The following ELP4 variants were observed in gnomAD, a reference collection of about 807,000 sequenced individuals.
The protein encoded by ELP4 is elongator complex protein 4.
In ELP4, 51 loss-of-function variants were observed where a neutral mutation model predicts 48.9. The ratio of observed to expected loss-of-function variants is 1.04; its 90% confidence interval spans 0.83 to 1.32. The LOEUF (loss-of-function observed/expected upper bound fraction) is 1.32, where lower values mean the gene tolerates loss of function less well. ELP4 is among the 40% of genes most tolerant of loss of function. The pLI, the probability that ELP4 is intolerant of heterozygous loss-of-function variation, is 0.00. For missense variants in ELP4, 519 were observed against 514.6 expected (o/e 1.01, Z -0.08); for synonymous variants, 210 against 189.2 (o/e 1.11, Z -0.90).
At chr11:31,717,941 T>A (rs910810049) in intron 9 of ELP4, among the ~76,000 whole-genome samples, 9 of 152,148 alleles carry the variant, frequency 5.9e-5, no homozygotes, top group African/African-American at 2.2e-4. Context: ...TTGACTCATA[T>A]TGAGTTTACA....
At chr11:31,729,710 A>G (rs1160146370) in intron 9 of ELP4, among the ~76,000 whole-genome samples, 2 of 152,196 alleles carry the variant, frequency 1.3e-5, no homozygotes, top group Non-Finnish European at 2.9e-5. Flanking sequence ...ATTTTCATCA[A>G]ACAACCAGTT....
chr11:31,578,613 G>A (rs181450338), intron 3 of ELP4, among the ~76,000 whole-genome samples: 56 of 152,058 alleles, frequency 3.7e-4, no homozygotes, highest in African/African-American at 8.2e-4. Flanking sequence ...GGAACAGAAC[G>A]GAGCCCTCAG....
chr11:31,641,759 G>A (rs923847469), intron 7 of ELP4, among the ~76,000 whole-genome samples: 5 of 151,790 alleles, frequency 3.3e-5, no homozygotes, highest in African/African-American at 1.2e-4. Flanking sequence ...CCTGGCTCTT[G>A]TCAACCTGCT....
At chr11:31,516,511 T>G (rs2133872621) in intron 1 of ELP4, among the ~76,000 whole-genome samples, 1 of 152,354 alleles carries the variant, frequency 6.6e-6, no homozygotes, top group Admixed American at 6.5e-5. Context: ...CATTTGTTTG[T>G]TTGAGACTGG....
At chr11:31,548,552 C>T (rs542724150) in intron 3 of ELP4, among the ~76,000 whole-genome samples, 59 of 152,230 alleles carry the variant, frequency 3.9e-4, no homozygotes, top group African/African-American at 1.3e-3. Context: ...TGAAAATGGC[C>T]ATACTGCCCA....
At chr11:31,712,228 T>G (rs1443136400) in intron 9 of ELP4, among the ~76,000 whole-genome samples, 1 of 152,120 alleles carries the variant, frequency 6.6e-6, no homozygotes, top group African/African-American at 2.4e-5. Flanking sequence ...CATTATATTT[T>G]TAAATGTTAT....
chr11:31,632,179 A>G (rs749765742), intron 6 of ELP4, 38 bp from the exon 7 acceptor site: 1 of 1,546,506 alleles, frequency 6.5e-7, no homozygotes, highest in Non-Finnish European at 8.8e-7. Flanking sequence ...TTGATTAACA[A>G]AACTTTATAT....
At chr11:31,644,340 A>C (rs528185240) in intron 7 of ELP4, among the ~76,000 whole-genome samples, 2 of 151,960 alleles carry the variant, frequency 1.3e-5, no homozygotes, top group South Asian at 4.2e-4. Flanking sequence ...TAATGCAAAG[A>C]TTATGTTCAA....
chr11:31,519,201 T>C (rs1656626790), intron 1 of ELP4, among the ~76,000 whole-genome samples: 1 of 152,176 alleles, frequency 6.6e-6, no homozygotes, highest in African/African-American at 2.4e-5. Flanking sequence ...AAATGGCAAA[T>C]ACATTCCTTT....
At chr11:31,711,529 C>A (rs996419788) in intron 9 of ELP4, among the ~76,000 whole-genome samples, 1 of 152,054 alleles carries the variant, frequency 6.6e-6, no homozygotes, top group Admixed American at 6.6e-5. Context: ...CACCTTAAAA[C>A]TAATTTAATC....
intron 9 of ELP4, chr11:31,653,797 C>T (rs537221585): frequency 9.2e-5 from 14 of 151,760 alleles, no homozygotes; most frequent in Admixed American, 4.6e-4. Context: ...GAGTACATGG[C>T]GTCACTTCCA....
Position 31,650,219 on chromosome 11 carries a change from G to T in ELP4, c.1141G>T (p.Glu381Ter), listed in dbSNP as rs1241718043. Residue 381 changes from glutamate (E) to a stop codon, truncating the protein, a stop_gained and splice_region_variant, in exon 9 of 10, where the codon GAG (glutamate) becomes TAG (stop). Transcript: ENST00000640961. LOFTEE classifies it high-confidence loss of function. ...FKLKRKLFTI[E>*]RLHLPPDLSD... is the part of the protein sequence containing the mutation. ...ATTAAAAAGGAAGCTATTCACCATTGAGGTAAGAGAATTTTTATGTTTTAG... is the reference window on the plus strand; with the variant it reads ...ATTAAAAAGGAAGCTATTCACCATTTAGGTAAGAGAATTTTTATGTTTTAG... 3 of 1,052,400 alleles carry T rather than the reference G, an allele frequency of 2.9e-6. No individual in the cohort carries two copies. The highest frequency in any genetic ancestry group is 4.0e-5 in the Admixed American group (2 of 49,958). 65.2% of individuals were successfully genotyped at this position (1,052,400 alleles called of 1,614,324 possible). A position where few individuals can be genotyped will look rare whatever the true frequency, so the allele number is the denominator to read the frequency against.
intron 9 of ELP4, among the ~76,000 whole-genome samples, chr11:31,691,544 A>T (rs1301562388): frequency 6.6e-6 from 1 of 152,108 alleles, no homozygotes; most frequent in Non-Finnish European, 1.5e-5. Context: ...CTTTTAGTAC[A>T]TCATTTTCTC....
At chr11:31,708,373 C>T (rs1241086172) in intron 9 of ELP4, among the ~76,000 whole-genome samples, 1 of 152,154 alleles carries the variant, frequency 6.6e-6, no homozygotes, top group Non-Finnish European at 1.5e-5. Context: ...AGCAGTATAG[C>T]ATCCAAGACA....
chr11:31,788,450 G>T lies in ELP4; in HGVS notation c.*4926G>T. 1 of 223,616 alleles carries T rather than the reference G, an allele frequency of 4.5e-6. No individual in the cohort carries two copies. The highest frequency in any genetic ancestry group is 6.5e-5 in the East Asian group (1 of 15,408). 13.9% of individuals were successfully genotyped at this position (223,616 alleles called of 1,614,324 possible). ...TGGGAAATGATGCCTCTTGTGCAAA[G>T]GGGAGGGAGACAGAAAAGGGAGAGG... On this transcript the variant is annotated 3_prime_UTR_variant, in exon 10 of 10. Coordinates refer to ENST00000640961, the MANE Select transcript of ELP4 (RefSeq NM_019040.5).
intron 9 of ELP4, among the ~76,000 whole-genome samples, chr11:31,736,110 A>G: frequency 6.6e-6 from 1 of 152,224 alleles, no homozygotes; most frequent in Admixed American, 6.5e-5. Flanking sequence ...ACAGCATGGT[A>G]CTGGTACCAA....
chr11:31,681,411 G>A (rs1946048195), intron 9 of ELP4, among the ~76,000 whole-genome samples: 1 of 152,118 alleles, frequency 6.6e-6, no homozygotes, highest in Non-Finnish European at 1.5e-5. Flanking sequence ...CAGAAAATTA[G>A]ACAGCTGCTA....
intron 3 of ELP4, among the ~76,000 whole-genome samples, chr11:31,591,739 G>A (rs571499124): frequency 3.3e-5 from 5 of 152,198 alleles, no homozygotes; most frequent in South Asian, 2.1e-4. Context: ...CCTGTGACTC[G>A]GGAATTCCAC....
chr11:31,708,248 A>C (rs377366617), intron 9 of ELP4, among the ~76,000 whole-genome samples: 1 of 152,072 alleles, frequency 6.6e-6, no homozygotes, highest in African/African-American at 2.4e-5. Context: ...TCCTTAAAGC[A>C]TCATGATGTT....
Sources: gnomAD v4.1 joint callset for allele counts (sites outside exome capture counted in the v4.1 genomes callset) on GRCh38, gnomAD v4.1.1 for gene constraint, MANE v1.5 for transcripts, NCBI Gene and HGNC (gene_info 2026-07-23, HGNC 2026-07-21) for gene names.